The following SPNS1 variants were observed in gnomAD, a reference collection of about 807,000 sequenced individuals.
SPNS1 encodes the protein SPNS lysolipid transporter 1, lysophospholipid, also known as protein spinster homolog 1.
A neutral mutation model predicts 50.3 loss-of-function variants in SPNS1; 22 were observed. That is an observed-to-expected ratio of 0.44 (90% confidence interval 0.31 to 0.62). The LOEUF is 0.62. Ranked by LOEUF, SPNS1 falls within the 20% of genes least tolerant of loss-of-function variation. SPNS1 has a pLI of 0.07. For missense variants in SPNS1, 576 were observed against 728.6 expected (o/e 0.79, Z 2.41); for synonymous variants, 295 against 317.4 (o/e 0.93, Z 0.75).
In SPNS1 at chr16:28,983,388, C is replaced by A; in HGVS notation, c.1320+98C>A. The A allele has an allele frequency of 1.1e-6, 1 of 934,080 alleles. No individual in the cohort carries two copies. Among genetic ancestry groups the A allele is most frequent in the African/African-American group, 1.6e-5 (1 of 61,104 alleles). The allele number at this position is 934,080 out of a possible 1,614,324, so 57.9% of individuals were successfully genotyped here. ...TAGTGAAGTGTCTGTGTCCTGCGTGCTGGGCACTTCTCACCTTCCATTGTC... is the reference window on the plus strand; with the variant it reads ...TAGTGAAGTGTCTGTGTCCTGCGTGATGGGCACTTCTCACCTTCCATTGTC... On this transcript the variant is annotated intron_variant, in intron 10 of 11. Coordinates refer to ENST00000311008, the MANE Select transcript of SPNS1 (RefSeq NM_032038.3). The surrounding 1 kb of genome is among the most constrained non-coding windows in gnomAD (Gnocchi z 5.4).
rs1459004142 is a variant in SPNS1 at position 28,981,795 on chromosome 16, A to G, written c.810-106A>G. 9 of 1,528,274 alleles carry G rather than the reference A, an allele frequency of 5.9e-6. No individual in the cohort carries two copies. Among genetic ancestry groups the G allele is most frequent in the South Asian group, 1.2e-5 (1 of 84,426 alleles). The allele number at this position is 1,528,274 out of a possible 1,614,324, so 94.7% of individuals were successfully genotyped here. A position where few individuals can be genotyped will look rare whatever the true frequency, so the allele number is the denominator to read the frequency against. ...TCCTGGGAGCCAGAACCACCTCTGCACGGTGTTGTGACCTTACTAAAATAA... is the reference window on the plus strand; with the variant it reads ...TCCTGGGAGCCAGAACCACCTCTGCGCGGTGTTGTGACCTTACTAAAATAA... On this transcript the variant is annotated intron_variant, in intron 6 of 11. Coordinates refer to ENST00000311008, the MANE Select transcript of SPNS1 (RefSeq NM_032038.3). This position sits in a 1 kb window ranked among gnomAD's most constrained non-coding sequence, Gnocchi z 4.2.
intron 9 of SPNS1, 28 bp downstream of exon 9, chr16:28,982,950 G>A: frequency 6.2e-7 from 1 of 1,613,214 alleles, no homozygotes; most frequent in Non-Finnish European, 8.5e-7. Flanking sequence ...TCCAGGGTCA[G>A]CGCAGAGGCT....
At chr16:28,984,074 C>G (rs1965665628) in intron 11 of SPNS1, 117 bp downstream of exon 11, 17 of 1,443,812 alleles carry the variant, frequency 1.2e-5, no homozygotes, top group Non-Finnish European at 1.5e-5. Flanking sequence ...TGTTTGGCCT[C>G]CAGTCTGTCT....
intron 2 of SPNS1, among the ~76,000 whole-genome samples, chr16:28,976,832 ACT>A (rs781123163): frequency 1.3e-5 from 2 of 152,122 alleles, no homozygotes; most frequent in African/African-American, 2.4e-5. Flanking sequence ...GGATTTATTC[ACT>A]CTCTTCACAT....
At chr16:28,976,548 T>A (rs1220170156) in intron 2 of SPNS1, among the ~76,000 whole-genome samples, 1 of 152,142 alleles carries the variant, frequency 6.6e-6, no homozygotes, top group African/African-American at 2.4e-5. Context: ...TTACTGTTCC[T>A]ATTTTATAGA....
In SPNS1 at chr16:28,979,237, C is replaced by G; in HGVS notation, c.527C>G (p.Ala176Gly). The part of the protein sequence containing the change: ...SYSTIAPTLI[A>G]DLFVADQRSR... ...TCCACCATCGCGCCCACTCTCATTG[C>G]CGACCTCTTTGTGGCCGACCAGCGG... Residue 176 changes from alanine to glycine, a missense_variant, in exon 4 of 12, where the codon GCC becomes GGC. Physicochemically the swap from Ala to Gly is moderately conservative, Grantham distance 60. Around this residue, in one of 3 missense-constraint regions of SPNS1, gnomAD observed 428 missense variants for 520.1 expected, o/e 0.82. Transcript: ENST00000311008. 6.2e-7 allele frequency: 1 copy of G among 1,614,218 alleles called. No individual in the cohort carries two copies. Among genetic ancestry groups the G allele is most frequent in the Non-Finnish European group, 8.5e-7 (1 of 1,180,040 alleles).
At chr16:28,978,906 A>G (rs758217970) in intron 3 of SPNS1, 4 of 555,830 alleles carry the variant, frequency 7.2e-6, no homozygotes, top group Non-Finnish European at 9.6e-6. Context: ...TAGTCCTTGC[A>G]ATAGCTCTGT....
chr16:28,982,628 T>C, intron 8 of SPNS1, 83 bp downstream of exon 8: 3 of 1,453,576 alleles, frequency 2.1e-6, no homozygotes, highest in South Asian at 2.5e-5. Context: ...CGAGGTGGAA[T>C]GCCTGGTTTT....
At chr16:28,980,153 C>G (rs1429655920) in intron 5 of SPNS1, 1 of 151,806 alleles carries the variant, frequency 6.6e-6, no homozygotes, top group East Asian at 1.9e-4. Flanking sequence ...TGGTGAAACC[C>G]TGTCTCTACT....
intron 11 of SPNS1, 53 bp downstream of exon 11, chr16:28,984,010 C>T: frequency 6.6e-7 from 1 of 1,516,834 alleles, no homozygotes; most frequent in Non-Finnish European, 8.8e-7. Flanking sequence ...GTCTGTCTGT[C>T]CATCTGTCTG....
rs562774019 is a variant in SPNS1 at position 28,983,304 on chromosome 16, C to G, written c.1320+14C>G. On this transcript the variant is annotated intron_variant, in intron 10 of 11. Coordinates refer to ENST00000311008, the MANE Select transcript of SPNS1 (RefSeq NM_032038.3). This position sits in a 1 kb window ranked among gnomAD's most constrained non-coding sequence, Gnocchi z 5.4. ...CTCATTGGCCTGGTGAGCATTATTTCTTGGCTGGCATGGGGTGGCTGGTGT... is the reference window on the plus strand; with the variant it reads ...CTCATTGGCCTGGTGAGCATTATTTGTTGGCTGGCATGGGGTGGCTGGTGT... The G allele has an allele frequency of 3.1e-6, 5 of 1,609,080 alleles. No homozygotes were observed. The South Asian group carries it at 3.3e-5, about 11-fold the overall frequency.
In SPNS1 at chr16:28,982,790, G is replaced by T. The variant is rs552454447; in HGVS notation, c.1156-67G>T. 17 of 1,552,620 alleles carry T rather than the reference G, an allele frequency of 1.1e-5. No homozygotes were observed. The Admixed American group carries it at 1.5e-4, about 14-fold the overall frequency. ...ATTAAATTAGTTAATAGATGAGCTG[G>T]GAACATGGTCAACTTTCCATGTGTT... On this transcript the variant is annotated intron_variant, in intron 8 of 11. Coordinates refer to ENST00000311008, the MANE Select transcript of SPNS1 (RefSeq NM_032038.3).
rs1045267654 is a variant in SPNS1, at chr16:28,983,403, CT to C, written c.1320+115del. On this transcript the variant is annotated intron_variant, in intron 10 of 11. Transcript: ENST00000311008. The surrounding 1 kb of genome is among the most constrained non-coding windows in gnomAD (Gnocchi z 5.4). Reference sequence around the variant, plus strand: ...GTCCTGCGTGCTGGGCACTTCTCACCTTCCATTGTCAACTGGAGGAGAAAGA... The same window carrying C: ...GTCCTGCGTGCTGGGCACTTCTCACCTCCATTGTCAACTGGAGGAGAAAGA... 15 of 823,266 alleles carry C rather than the reference CT, an allele frequency of 1.8e-5. No individual in the cohort carries two copies. The highest frequency in any genetic ancestry group is 3.1e-5 in the Non-Finnish European group (15 of 490,900). 51.0% of individuals were successfully genotyped at this position (823,266 alleles called of 1,614,324 possible).
Position 28,981,502 on chromosome 16 carries a change from G to A in SPNS1, c.696G>A (p.Leu232=), listed in dbSNP as rs1401923574. 6.2e-7 allele frequency: 1 copy of A among 1,614,012 alleles called. No individual in the cohort carries two copies. The highest frequency in any genetic ancestry group is 8.5e-7 in the Non-Finnish European group (1 of 1,180,020). ...CGGGTCTAGGAGTGGTGGCCGTTCT[G>A]CTGCTGTTCCTGGTAGTGCGGGAGC... ...VTPGLGVVAV[L]LLFLVVREPP... is the part of the protein sequence containing the mutation. Residue 232 remains leucine, a synonymous_variant, in exon 6 of 12, where the codon CTG becomes CTA. Transcript: ENST00000311008. This position sits in a 1 kb window ranked among gnomAD's most constrained non-coding sequence, Gnocchi z 4.2.
At position 28,979,305 on chromosome 16, in the gene SPNS1, A is replaced by G; in HGVS notation, c.595A>G (p.Ser199Gly). 6 of 1,614,168 alleles carry G rather than the reference A, an allele frequency of 3.7e-6. No individual in the cohort carries two copies. Among genetic ancestry groups the G allele is most frequent in the Non-Finnish European group, 4.2e-6 (5 of 1,180,018 alleles). Reference protein sequence around the residue: ...SIFYFAIPVGSGLGYIAGSKV... With the variant: ...SIFYFAIPVGGGLGYIAGSKV... ...CTTCTACTTTGCCATTCCGGTGGGCAGGTGAGTGGGCCTGGGGCCTGGGGG... is the reference window on the plus strand; with the variant it reads ...CTTCTACTTTGCCATTCCGGTGGGCGGGTGAGTGGGCCTGGGGCCTGGGGG... The change falls in exon 4 of 12, where the codon AGT becomes GGT. Residue 199 changes from serine to glycine, a missense_variant and splice_region_variant. By Grantham distance (56) the Ser-to-Gly change is moderately conservative (BLOSUM62 0). This residue lies in a region of SPNS1 where 428 missense variants were observed against 520.1 expected (regional missense o/e 0.82). Coordinates refer to ENST00000311008, the MANE Select transcript of SPNS1 (RefSeq NM_032038.3).
chr16:28,983,001 C>T lies in SPNS1; in HGVS notation c.1221+79C>T. ...GGGGTCAGGAGTGTTGCCTCTACCC[C>T]TCAAAGCCCAGCCTCAACCTACCTT... is the stretch of plus-strand genomic sequence containing the variant. On this transcript the variant is annotated intron_variant, in intron 9 of 11. Transcript: ENST00000311008. This position sits in a 1 kb window ranked among gnomAD's most constrained non-coding sequence, Gnocchi z 5.4. 21 of 1,505,426 alleles carry T rather than the reference C, an allele frequency of 1.4e-5. 1 individual carries two copies. In the South Asian group the frequency reaches 1.8e-4, roughly 13 times the overall value. 93.3% of individuals were successfully genotyped at this position (1,505,426 alleles called of 1,614,324 possible).
chr16:28,975,193 T>A lies in SPNS1; in HGVS notation c.42T>A (p.Asp14Glu). 1 of 1,498,036 alleles carries A rather than the reference T, an allele frequency of 6.7e-7. No individual in the cohort carries two copies. 92.8% of individuals were successfully genotyped at this position (1,498,036 alleles called of 1,614,324 possible). Residue 14 changes from aspartate (D) to glutamate (E), a missense_variant, in exon 1 of 12, where the codon GAT becomes GAA. Physicochemically the swap from Asp to Glu is conservative, Grantham distance 45 (BLOSUM62 2). Coordinates refer to ENST00000311008, the MANE Select transcript of SPNS1 (RefSeq NM_032038.3). ...SDTAPFLSQA[D>E]DPDDGPVPGT... ...CCGCGCCCTTCCTCAGCCAGGCGGA[T>A]GACCCGGACGACGGGCCAGTGCCTG...
chr16:28,979,013 C>T, intron 3 of SPNS1, 142 bp from the exon 4 acceptor site: 1 of 1,020,588 alleles, frequency 9.8e-7, no homozygotes, highest in Non-Finnish European at 1.4e-6. Flanking sequence ...GTGGTGGAGC[C>T]AGGATGCAAG....
Position 28,983,967 on chromosome 16 carries a change from G to T in SPNS1, c.1492+10G>T. ...CAGCTGCACGTGCAGGGTCAGTTAGGAGCTGTGCCCGGCCCAGCTTCTTGA... is the reference window on the plus strand; with the variant it reads ...CAGCTGCACGTGCAGGGTCAGTTAGTAGCTGTGCCCGGCCCAGCTTCTTGA... On this transcript the variant is annotated intron_variant, in intron 11 of 11. Coordinates refer to ENST00000311008, the MANE Select transcript of SPNS1 (RefSeq NM_032038.3). This position sits in a 1 kb window ranked among gnomAD's most constrained non-coding sequence, Gnocchi z 5.4. 1 of 1,555,832 alleles carries T rather than the reference G, an allele frequency of 6.4e-7. No homozygotes were observed. The highest frequency in any genetic ancestry group is 8.7e-7 in the Non-Finnish European group (1 of 1,155,910).
Sources: allele counts gnomAD v4.1 joint callset (sites outside exome capture counted in the v4.1 genomes callset), GRCh38; gene constraint gnomAD v4.1.1; regional missense constraint gnomAD v4.1.1; non-coding constraint Gnocchi (gnomAD v3.1); transcripts MANE v1.5; gene names NCBI Gene and HGNC (gene_info 2026-07-23, HGNC 2026-07-21).